The following MYOF variants were observed in gnomAD, a reference collection of about 807,000 sequenced individuals.
MYOF encodes the protein fer-1-like 3, myoferlin.
A neutral mutation model predicts 284.2 loss-of-function variants in MYOF; 244 were observed. That is an observed-to-expected ratio of 0.86 (90% confidence interval 0.77 to 0.95). The LOEUF is 0.95. Among genes scored for constraint, MYOF ranks in the 40% least tolerant of loss-of-function variants. The probability of loss-of-function intolerance (pLI) is 0.00; values close to 1 mark genes in which losing one functional copy is unlikely to be tolerated. For synonymous variants in MYOF, 904 were observed against 919.7 expected (o/e 0.98, Z 0.31); for missense variants, 2,496 against 2,560.6 (o/e 0.97, Z 0.54).
intron 53 of MYOF, 72 bp from the exon 54 acceptor site, chr10:93,307,073 CTTGAG>C: frequency 7.2e-7 from 1 of 1,388,412 alleles, no homozygotes; most frequent in Non-Finnish European, 1.0e-6. Context: ...GTTTCTCAAT[CTTGAG>C]AAAAAATTGA....
intron 38 of MYOF, among the ~76,000 whole-genome samples, 193 bp downstream of exon 38, chr10:93,343,663 G>T (rs1385407952): frequency 6.6e-6 from 1 of 152,158 alleles, no homozygotes; most frequent in Non-Finnish European, 1.5e-5. Context: ...AAGACTACTA[G>T]TCTACACAAT....
At chr10:93,337,743 C>T in intron 40 of MYOF, 72 bp downstream of exon 40, 1 of 1,305,688 alleles carries the variant, frequency 7.7e-7, no homozygotes, top group Middle Eastern at 1.9e-4. Context: ...TTTTAGTCAT[C>T]CTCTTAGCTC....
At chr10:93,334,984 G>A (rs1161626744) in intron 41 of MYOF, among the ~76,000 whole-genome samples, 2 of 152,336 alleles carry the variant, frequency 1.3e-5, no homozygotes, top group Non-Finnish European at 1.5e-5. Flanking sequence ...TTTGCCAAGC[G>A]TGGTTGCAGG....
chr10:93,358,939 CTTAAA>C (rs1589439700), intron 29 of MYOF, among the ~76,000 whole-genome samples: 1 of 150,740 alleles, frequency 6.6e-6, no homozygotes, highest in East Asian at 1.9e-4. Flanking sequence ...TATCTCGGAA[CTTAAA>C]TTAAAAAAAA....
intron 46 of MYOF, among the ~76,000 whole-genome samples, chr10:93,325,353 T>C (rs1842999432): frequency 6.6e-6 from 1 of 152,196 alleles, no homozygotes; most frequent in Non-Finnish European, 1.5e-5. Context: ...TGGCACCTCC[T>C]GAACCGGGCC....
chr10:93,482,263 G>T lies in MYOF; in HGVS notation c.-69C>A, dbSNP rs1027297533. On this transcript the variant is annotated 5_prime_UTR_variant, in exon 1 of 54. Transcript: ENST00000359263. ...GACTAGGGCGCTGGAGCTCCGGGTC[G>T]CACCGCCCTGGGAGAGAAGTTCTCT... is the stretch of plus-strand genomic sequence containing the variant. The T allele has an allele frequency of 9.8e-6, 13 of 1,319,886 alleles. No homozygotes were observed. Among genetic ancestry groups the T allele is most frequent in the Admixed American group, 3.7e-5 (2 of 54,748 alleles). 81.8% of individuals were successfully genotyped at this position (1,319,886 alleles called of 1,614,324 possible).
intron 3 of MYOF, among the ~76,000 whole-genome samples, chr10:93,448,733 G>T (rs558313424): frequency 5.9e-4 from 90 of 152,290 alleles, no homozygotes; most frequent in African/African-American, 1.9e-3. Flanking sequence ...AGTGGCTCAC[G>T]CCTGTAATCC....
At chr10:93,440,224 C>A (rs2056201711) in intron 3 of MYOF, among the ~76,000 whole-genome samples, 1 of 152,042 alleles carries the variant, frequency 6.6e-6, no homozygotes. Flanking sequence ...CCATCCTGGC[C>A]AATATGGTGA....
chr10:93,409,801 C>T lies in MYOF; in HGVS notation c.434-62G>A. 3.8e-6 allele frequency: 6 copies of T among 1,576,002 alleles called. No individual in the cohort carries two copies. In the South Asian group the frequency reaches 7.0e-5, roughly 18 times the overall value. On this transcript the variant is annotated intron_variant, in intron 5 of 53. Coordinates refer to ENST00000359263, the MANE Select transcript of MYOF (RefSeq NM_013451.4). ...CTTATCCTGTAAATGTCCAAAGGCT[C>T]AGGTTTCCAGGACACGGTTTTGTCT...
At chr10:93,322,662 T>C (rs1426776825) in intron 48 of MYOF, among the ~76,000 whole-genome samples, 1 of 152,192 alleles carries the variant, frequency 6.6e-6, no homozygotes, top group Non-Finnish European at 1.5e-5. Flanking sequence ...TCCATAGACA[T>C]GGGCTGCTGG....
intron 1 of MYOF, among the ~76,000 whole-genome samples, chr10:93,459,054 A>C (rs1259216965): frequency 6.6e-6 from 1 of 152,166 alleles, no homozygotes; most frequent in Admixed American, 6.5e-5. Flanking sequence ...TCCCTTCCTA[A>C]GCTTCAGCGT....
At chr10:93,335,659 G>T (rs1843566368) in intron 41 of MYOF, among the ~76,000 whole-genome samples, 1 of 142,548 alleles carries the variant, frequency 7.0e-6, no homozygotes, top group Non-Finnish European at 1.6e-5. Flanking sequence ...CAGGGAGGCA[G>T]GAAGAGATGC....
At chr10:93,365,288 G>T (rs1379713588) in intron 26 of MYOF, among the ~76,000 whole-genome samples, 2 of 152,174 alleles carry the variant, frequency 1.3e-5, no homozygotes, top group Non-Finnish European at 2.9e-5. Flanking sequence ...CCAACTCAAG[G>T]CTGCTGTCAT....
At position 93,359,998 on chromosome 10, in the gene MYOF, T is replaced by A; in HGVS notation, c.2975-20A>T. 1 of 1,614,122 alleles carries A rather than the reference T, an allele frequency of 6.2e-7. No homozygotes were observed. Among genetic ancestry groups the A allele is most frequent in the Non-Finnish European group, 8.5e-7 (1 of 1,179,982 alleles). On this transcript the variant is annotated intron_variant, in intron 28 of 53. Coordinates refer to ENST00000359263, the MANE Select transcript of MYOF (RefSeq NM_013451.4). ...CCCAGCCTGGAACAGAGTTTGTGAATGGTTACCCAGAAGAGATGCATTTGC... is the reference window on the plus strand; with the variant it reads ...CCCAGCCTGGAACAGAGTTTGTGAAAGGTTACCCAGAAGAGATGCATTTGC...
chr10:93,330,934 C>T (rs1286570740), intron 43 of MYOF, among the ~76,000 whole-genome samples: 1 of 152,092 alleles, frequency 6.6e-6, no homozygotes, highest in Non-Finnish European at 1.5e-5. Flanking sequence ...ATTTCCAATC[C>T]CAACTTCCAA....
At chr10:93,446,540 G>A (rs137928429) in intron 3 of MYOF, among the ~76,000 whole-genome samples, 1 of 152,114 alleles carries the variant, frequency 6.6e-6, no homozygotes, top group East Asian at 1.9e-4. Context: ...AGGCCTCAGC[G>A]GGTACCACAG....
chr10:93,374,936 C>T lies in MYOF; in HGVS notation c.2128G>A (p.Glu710Lys). ...EDTRYTLPLT[E>K]GKANVTVLDT... ...AGAACTGTGACGTTGGCTTTTCCTT[C>T]TGTGAGAGGCAACGTGTATCTAGAA... Residue 710 changes from glutamate (E) to lysine (K), a missense_variant, in exon 23 of 54, where the codon GAA (glutamate) becomes AAA (lysine). Around this residue, in one of 3 missense-constraint regions of MYOF, gnomAD observed 2,436 missense variants for 2,480.7 expected, o/e 0.98. Transcript: ENST00000359263. 6.2e-7 allele frequency: 1 copy of T among 1,612,862 alleles called. No homozygotes were observed. The highest frequency in any genetic ancestry group is 8.5e-7 in the Non-Finnish European group (1 of 1,179,670).
At position 93,404,061 on chromosome 10, in the gene MYOF, G is replaced by A. The variant is rs911849531; in HGVS notation, c.805C>T (p.His269Tyr). ...EIISIRVYNSHSLRADCLMGE... is the reference protein window; with the variant it reads ...EIISIRVYNSYSLRADCLMGE... ...ATCAGACAATCTGCCCGCAGAGAGTGAGAATTATAAACCTGGAAGAAAGAA... is the reference window on the plus strand; with the variant it reads ...ATCAGACAATCTGCCCGCAGAGAGTAAGAATTATAAACCTGGAAGAAAGAA... Residue 269 changes from histidine to tyrosine, a missense_variant, in exon 9 of 54, where the codon CAC becomes TAC. His to Tyr is a moderately conservative substitution (Grantham distance 83). Transcript: ENST00000359263. The A allele has an allele frequency of 6.2e-7, 1 of 1,614,036 alleles. No individual in the cohort carries two copies. Among genetic ancestry groups the A allele is most frequent in the South Asian group, 1.1e-5 (1 of 91,088 alleles).
chr10:93,424,732 C>T (rs900510152), intron 5 of MYOF, among the ~76,000 whole-genome samples: 5 of 151,978 alleles, frequency 3.3e-5, no homozygotes, highest in East Asian at 1.9e-4. Context: ...GGGGCAGGGG[C>T]GGAGGTCAGG....
Sources: gnomAD v4.1 joint callset for allele counts (sites outside exome capture counted in the v4.1 genomes callset) on GRCh38, gnomAD v4.1.1 for gene constraint, gnomAD v4.1.1 regional missense constraint, MANE v1.5 for transcripts, NCBI Gene and HGNC (gene_info 2026-07-23, HGNC 2026-07-21) for gene names.